Variants in GFRA2 observed in about 807,000 individuals in gnomAD.
The protein encoded by GFRA2 is GDNF family receptor alpha-2.
A neutral mutation model predicts 48.3 loss-of-function variants in GFRA2; 17 were observed. The observed-to-expected ratio is 0.35, with a 90% CI of 0.24 to 0.53. GFRA2 has a LOEUF of 0.53. GFRA2 is among the 20% of genes least tolerant of loss of function. GFRA2 has a pLI of 0.93. For synonymous variants in GFRA2, 305 were observed against 257.2 expected, an observed-to-expected ratio of 1.19 and a Z score of -1.78; for missense variants, 660 against 637.3, an observed-to-expected ratio of 1.04 and a Z score of -0.38.
chr8:21,701,907 A>G (rs1563214900), intron 7 of GFRA2, among the ~76,000 whole-genome samples: 3 of 152,120 alleles, frequency 2.0e-5, no homozygotes, highest in Non-Finnish European at 4.4e-5. Flanking sequence ...CCTTATGACC[A>G]CAAGGAACCA....
intron 4 of GFRA2, among the ~76,000 whole-genome samples, chr8:21,722,865 A>C (rs1803672829): frequency 6.6e-6 from 1 of 152,340 alleles, no homozygotes; most frequent in South Asian, 2.1e-4. Context: ...CCATGTAGGC[A>C]GTGCATGCAC....
intron 1 of GFRA2, among the ~76,000 whole-genome samples, chr8:21,784,919 A>G (rs1807193904): frequency 6.6e-6 from 1 of 152,100 alleles, no homozygotes; most frequent in Non-Finnish European, 1.5e-5. Context: ...GGGCCCCCCA[A>G]GAGCAGCTGA....
At chr8:21,713,395 C>T (rs1297324821) in intron 4 of GFRA2, among the ~76,000 whole-genome samples, 1 of 151,984 alleles carries the variant, frequency 6.6e-6, no homozygotes, top group African/African-American at 2.4e-5. Context: ...GGGATTTCAC[C>T]TTGTTGGCCA....
chr8:21,743,976 T>C (rs545273785), intron 4 of GFRA2, among the ~76,000 whole-genome samples: 2 of 152,342 alleles, frequency 1.3e-5, no homozygotes, highest in African/African-American at 4.8e-5. Context: ...CAAGGACCTC[T>C]ACTTTAAAGG....
At chr8:21,794,332 T>C (rs750744017) in intron 2 of GFRA2, among the ~76,000 whole-genome samples, 1 of 131,156 alleles carries the variant, frequency 7.6e-6, no homozygotes, top group African/African-American at 2.8e-5. Context: ...CTTACCACAA[T>C]CTCCGCCTCC....
At position 21,701,797 on chromosome 8, in the gene GFRA2, C is replaced by A. The variant is rs77195489; in HGVS notation, c.1218+1008G>T. Among the ~76,000 whole-genome samples, 420 of 152,276 alleles carry A rather than the reference C, an allele frequency of 2.8e-3. 2 individuals are homozygous for A. The highest frequency in any genetic ancestry group is 9.8e-3 in the African/African-American group (406 of 41,558). Reference sequence around the variant, plus strand: ...CTACAAGAAACCAAGCAACTGATGGCTCGGCAAACTGCAGAAGAAAAAGAA... The same window carrying A: ...CTACAAGAAACCAAGCAACTGATGGATCGGCAAACTGCAGAAGAAAAAGAA... On this transcript the variant is annotated intron_variant, in intron 7 of 8. Coordinates refer to ENST00000524240, the MANE Select transcript of GFRA2 (RefSeq NM_001495.5).
At chr8:21,694,608 C>A (rs952926391) in intron 7 of GFRA2, 91 bp from the exon 8 acceptor site, 83 of 1,190,500 alleles carry the variant, frequency 7.0e-5, no homozygotes, top group Admixed American at 2.4e-4. Flanking sequence ...CCGCCATGCA[C>A]TGTTGGCTCC....
upstream of GFRA2, among the ~76,000 whole-genome samples, chr8:21,793,804 A>G (rs7836037): frequency 0.5 from 75,211 of 151,062 alleles, 19,665 homozygotes; most frequent in African/African-American, 0.65. Context: ...CACAACACCT[A>G]AGATATCCTC....
At chr8:21,780,701 C>T (rs1806942196) in intron 2 of GFRA2, among the ~76,000 whole-genome samples, 1 of 152,098 alleles carries the variant, frequency 6.6e-6, no homozygotes, top group South Asian at 2.1e-4. Flanking sequence ...TGGCCTGATT[C>T]TTCTGAGGCC....
intron 4 of GFRA2, among the ~76,000 whole-genome samples, chr8:21,723,476 A>G (rs1235791738): frequency 6.6e-6 from 1 of 152,234 alleles, no homozygotes; most frequent in Admixed American, 6.5e-5. Flanking sequence ...AATAGATCCC[A>G]GCCACAGGAA....
chr8:21,756,417 C>G (rs929543667), intron 3 of GFRA2, among the ~76,000 whole-genome samples: 1 of 152,178 alleles, frequency 6.6e-6, no homozygotes, highest in Admixed American at 6.5e-5. Flanking sequence ...ACCCCAGGAG[C>G]GGGCCTGGGC....
At chr8:21,718,997 T>C (rs941934104) in intron 4 of GFRA2, among the ~76,000 whole-genome samples, 2 of 151,740 alleles carry the variant, frequency 1.3e-5, no homozygotes, top group East Asian at 1.9e-4. Flanking sequence ...GGAGTCACTG[T>C]GGTGCCACCT....
Position 21,693,296 on chromosome 8 carries a change from C to G in GFRA2, c.1377G>C (p.Met459Ile). The change falls in exon 9 of 9, where the codon ATG (methionine) becomes ATC (isoleucine). Residue 459 changes from methionine to isoleucine, a missense_variant. Physicochemically the swap from Met to Ile is conservative, Grantham distance 10. Coordinates refer to ENST00000524240, the MANE Select transcript of GFRA2 (RefSeq NM_001495.5). ...SAALTVLSVLMLKLAL is the reference protein window; with the variant it reads ...SAALTVLSVLILKLAL ...CCACAGCCTACAAGGCCAGTTTCAG[C>G]ATCAGGACAGACAGCACGGTCAAGG... 1 of 1,612,974 alleles carries G rather than the reference C, an allele frequency of 6.2e-7. No individual in the cohort carries two copies. Among genetic ancestry groups the G allele is most frequent in the Non-Finnish European group, 8.5e-7 (1 of 1,179,362 alleles).
intron 6 of GFRA2, among the ~76,000 whole-genome samples, chr8:21,704,597 G>A (rs1002716629): frequency 6.6e-6 from 1 of 152,186 alleles, no homozygotes. Context: ...CTGGCTTCTG[G>A]GTTAGGAGTT....
chr8:21,794,178 T>C (rs1807627226), intron 2 of GFRA2, among the ~76,000 whole-genome samples: 1 of 150,348 alleles, frequency 6.7e-6, no homozygotes. Context: ...AAATCTGTAC[T>C]GTGGACCTTG....
intron 4 of GFRA2, among the ~76,000 whole-genome samples, chr8:21,731,008 C>T (rs998449634): frequency 1.3e-5 from 2 of 152,224 alleles, no homozygotes; most frequent in Admixed American, 1.3e-4. Context: ...GGGCTCCTTC[C>T]CTTCCTCGTG....
chr8:21,729,054 C>T (rs1042353946), intron 4 of GFRA2, among the ~76,000 whole-genome samples: 1 of 152,208 alleles, frequency 6.6e-6, no homozygotes, highest in Admixed American at 6.5e-5. Context: ...ACGGGGCCAA[C>T]CCAGGCCTGG....
At chr8:21,739,739 C>A (rs144214048) in intron 4 of GFRA2, among the ~76,000 whole-genome samples, 16 of 147,214 alleles carry the variant, frequency 1.1e-4, no homozygotes, top group African/African-American at 3.3e-4. Context: ...ACATCCTGGG[C>A]AGGACTTCCA....
intron 3 of GFRA2, among the ~76,000 whole-genome samples, chr8:21,755,933 G>A (rs1293162210): frequency 6.6e-6 from 1 of 152,234 alleles, no homozygotes; most frequent in Non-Finnish European, 1.5e-5. Flanking sequence ...CAACACAAGG[G>A]CTATTGTGGG....
Sources: allele counts gnomAD v4.1 joint callset (sites outside exome capture counted in the v4.1 genomes callset), GRCh38; gene constraint gnomAD v4.1.1; transcripts MANE v1.5; gene names NCBI Gene and HGNC (gene_info 2026-07-23, HGNC 2026-07-21).